Variants in DMRT1 observed in about 807,000 individuals in gnomAD.
DMRT1 encodes the protein doublesex and mab-3 related transcription factor 1, also known as doublesex- and mab-3-related transcription factor 1.
A neutral mutation model predicts 32.3 loss-of-function variants in DMRT1; 7 were observed. The observed-to-expected ratio is 0.22, with a 90% CI of 0.12 to 0.41. DMRT1 has a LOEUF of 0.41. Among genes scored for constraint, DMRT1 ranks in the 10% least tolerant of loss-of-function variants. The pLI is 1.00. For missense variants in DMRT1, 625 were observed against 500.5 expected (o/e 1.25, Z -2.37); for synonymous variants, 278 against 206.1 (o/e 1.35, Z -2.99).
At chr9:875,924 T>G (rs1348837689) in intron 2 of DMRT1, among the ~76,000 whole-genome samples, 3 of 152,178 alleles carry the variant, frequency 2.0e-5, no homozygotes, top group Non-Finnish European at 4.4e-5. Context: ...CAGAAGCCCC[T>G]GTCTCTGGCC....
chr9:962,564 T>G lies in DMRT1; in HGVS notation c.968-5421T>G, dbSNP rs1272694321. ...AGGGCTTGGGTGGGGTGGGGTGGGGTGGAGGTGGCACTGGGGACCCACCAG... is the reference window on the plus strand; with the variant it reads ...AGGGCTTGGGTGGGGTGGGGTGGGGGGGAGGTGGCACTGGGGACCCACCAG... On this transcript the variant is annotated intron_variant, in intron 4 of 4. Transcript: ENST00000382276. Among the ~76,000 whole-genome samples the G allele has an allele frequency of 4.1e-3, 517 of 126,376 alleles. 2 individuals carry two copies. Among genetic ancestry groups the G allele is most frequent in the African/African-American group, 0.015 (492 of 32,348 alleles). 82.9% of individuals were successfully genotyped at this position (126,376 alleles called of 152,430 possible).
intron 4 of DMRT1, among the ~76,000 whole-genome samples, chr9:939,515 A>G (rs551045746): frequency 4.6e-5 from 7 of 152,080 alleles, no homozygotes; most frequent in Non-Finnish European, 7.4e-5. Flanking sequence ...TGCTGAAAAT[A>G]TTTTGTCCTG....
chr9:847,231 T>C, intron 2 of DMRT1, 88 bp downstream of exon 2: 1 of 1,372,336 alleles, frequency 7.3e-7, no homozygotes. Flanking sequence ...TCCCCTGAGC[T>C]ACATACAGTG....
rs2130028991 is a variant in DMRT1, at chr9:968,468, T to C, written c.*329T>C. 4.7e-6 allele frequency: 1 copy of C among 214,284 alleles called. No homozygotes were observed. Among genetic ancestry groups the C allele is most frequent in the Middle Eastern group, 1.8e-3 (1 of 568 alleles). 13.3% of individuals were successfully genotyped at this position (214,284 alleles called of 1,614,324 possible). On this transcript the variant is annotated 3_prime_UTR_variant, in exon 5 of 5. Coordinates refer to ENST00000382276, the MANE Select transcript of DMRT1 (RefSeq NM_021951.3). ...GTGTGCCTCTAAATGAGTCATCTAATTAGATGTTACTTTTAGTTTTAAAAT... is the reference window on the plus strand; with the variant it reads ...GTGTGCCTCTAAATGAGTCATCTAACTAGATGTTACTTTTAGTTTTAAAAT...
chr9:964,668 C>T (rs575001319), intron 4 of DMRT1, among the ~76,000 whole-genome samples: 2 of 152,234 alleles, frequency 1.3e-5, no homozygotes, highest in South Asian at 2.1e-4. Context: ...CTGGCCCCAA[C>T]TCCCTTCCCC....
chr9:884,279 A>G (rs898140821), intron 2 of DMRT1, among the ~76,000 whole-genome samples: 7 of 152,084 alleles, frequency 4.6e-5, no homozygotes, highest in African/African-American at 1.7e-4. Context: ...ACCAGCATAT[A>G]ACACTCCACG....
intron 4 of DMRT1, among the ~76,000 whole-genome samples, chr9:962,068 GCC>G (rs1037080056): frequency 2.6e-5 from 4 of 152,298 alleles, no homozygotes; most frequent in East Asian, 1.9e-4. Flanking sequence ...GGAATTAAAA[GCC>G]CCACGATGAT....
chr9:958,467 A>T (rs1471454523), intron 4 of DMRT1, among the ~76,000 whole-genome samples: 1 of 152,176 alleles, frequency 6.6e-6, no homozygotes, highest in Non-Finnish European at 1.5e-5. Context: ...CCTGGCTTCA[A>T]GTGATTCTCC....
chr9:895,682 G>T, intron 3 of DMRT1, among the ~76,000 whole-genome samples: 1 of 151,978 alleles, frequency 6.6e-6, no homozygotes, highest in East Asian at 1.9e-4. Flanking sequence ...TTTTATGTGT[G>T]TGGTTGATAA....
At chr9:945,929 A>G (rs1246901397) in intron 4 of DMRT1, among the ~76,000 whole-genome samples, 1 of 152,006 alleles carries the variant, frequency 6.6e-6, no homozygotes, top group East Asian at 1.9e-4. Flanking sequence ...TGGCTTTTTA[A>G]CATAAGGGGT....
chr9:922,109 G>C (rs745392811), intron 4 of DMRT1, among the ~76,000 whole-genome samples: 1 of 151,946 alleles, frequency 6.6e-6, no homozygotes, highest in Non-Finnish European at 1.5e-5. Flanking sequence ...GAACTCCTGG[G>C]CTCAAGCGAT....
Position 841,955 on chromosome 9 carries a change from G to A in DMRT1, c.117G>A (p.Val39=), listed in dbSNP as rs748564058. The stretch of plus-strand genomic sequence containing the variant: ...TTGGCAAAGCGTCTGGGGCGCTAGT[G>A]GGGGCGGCCAGCGGCTCGAGCGCCG... The part of the protein sequence containing the change: ...GGFGKASGAL[V]GAASGSSAGG... Residue 39 remains valine (V), a synonymous_variant, in exon 1 of 5, where the codon GTG becomes GTA. Transcript: ENST00000382276. 1.3e-5 allele frequency: 20 copies of A among 1,597,168 alleles called. No individual in the cohort carries two copies. Among genetic ancestry groups the A allele is most frequent in the Non-Finnish European group, 1.6e-5 (19 of 1,172,672 alleles).
At chr9:905,144 A>C (rs145156892) in intron 3 of DMRT1, among the ~76,000 whole-genome samples, 1 of 152,238 alleles carries the variant, frequency 6.6e-6, no homozygotes, top group Non-Finnish European at 1.5e-5. Flanking sequence ...TTATTTTTAA[A>C]AAATTATCCC....
intron 2 of DMRT1, among the ~76,000 whole-genome samples, chr9:880,913 G>A (rs1816711008): frequency 1.3e-5 from 2 of 152,112 alleles, no homozygotes; most frequent in African/African-American, 4.8e-5. Flanking sequence ...CCCTCAGAAG[G>A]AAGTTGTAGG....
intron 2 of DMRT1, among the ~76,000 whole-genome samples, chr9:858,920 T>C (rs1326741053): frequency 5.3e-5 from 8 of 151,146 alleles, no homozygotes; most frequent in Non-Finnish European, 1.5e-5. Context: ...TTTTTAAGCA[T>C]AGAGTTCAGT....
intron 2 of DMRT1, among the ~76,000 whole-genome samples, chr9:850,979 A>C (rs1306308011): frequency 2.1e-5 from 3 of 141,936 alleles, no homozygotes; most frequent in African/African-American, 7.7e-5. Context: ...CAGTGAGCTG[A>C]GATTGTGCCA....
chr9:849,301 G>A (rs1237212490), intron 2 of DMRT1, among the ~76,000 whole-genome samples: 1 of 152,100 alleles, frequency 6.6e-6, no homozygotes, highest in African/African-American at 2.4e-5. Flanking sequence ...TAGAGGCTGT[G>A]GTCTAATCCT....
In DMRT1 at chr9:888,671, C is replaced by G. The variant is rs978958099; in HGVS notation, c.539-5241C>G. 1.1e-4 allele frequency among the ~76,000 whole-genome samples: 16 copies of G among 151,176 alleles called. No homozygotes were observed. The South Asian group carries it at 1.3e-3, about 12-fold the overall frequency. ...TGCAGTCAGGGGCATGAAGGTATCT[C>G]ATATTTTTAGGAATAGCGTGTGGAG... is the stretch of plus-strand genomic sequence containing the variant. On this transcript the variant is annotated intron_variant, in intron 2 of 4. Coordinates refer to ENST00000382276, the MANE Select transcript of DMRT1 (RefSeq NM_021951.3).
intron 2 of DMRT1, among the ~76,000 whole-genome samples, chr9:861,486 C>T (rs1032056809): frequency 6.6e-6 from 1 of 152,256 alleles, no homozygotes; most frequent in South Asian, 2.1e-4. Flanking sequence ...GACACAATAA[C>T]AATCTGATCT....
Sources: allele counts gnomAD v4.1 joint callset (sites outside exome capture counted in the v4.1 genomes callset), GRCh38; gene constraint gnomAD v4.1.1; transcripts MANE v1.5; gene names NCBI Gene and HGNC (gene_info 2026-07-23, HGNC 2026-07-21).